The following DOCK10 variants were observed in gnomAD, a reference collection of about 807,000 sequenced individuals.
The protein encoded by DOCK10 is dedicator of cytokinesis protein 10.
In DOCK10, 145 loss-of-function variants were observed where a neutral mutation model predicts 280.1. The ratio of observed to expected loss-of-function variants is 0.52; its 90% CI spans 0.45 to 0.59. The LOEUF is 0.59. Ranked by LOEUF, DOCK10 falls within the 20% of genes least tolerant of loss-of-function variation. DOCK10 has a pLI of 0.00. For missense variants in DOCK10, 2,368 were observed against 2,651.7 expected, an observed-to-expected ratio of 0.89 and a Z score of 2.35; for synonymous variants, 915 against 942.2, an observed-to-expected ratio of 0.97 and a Z score of 0.53.
At chr2:224,934,989 C>T (rs1301498229) in intron 1 of DOCK10, among the ~76,000 whole-genome samples, 1 of 152,148 alleles carries the variant, frequency 6.6e-6, no homozygotes, top group African/African-American at 2.4e-5. Context: ...CCCTATTCTT[C>T]TTACAGAGAA....
rs1389225476 is a variant in DOCK10, at chr2:224,885,748, T to A, written c.670A>T (p.Asn224Tyr). ...GATATTTTCTCATCTTTGTAAAAGT[T>A]CATAATGTAGGAGTTATCTGGTAAC... ...TQLPDNSYIMNFYKDEKISKE... is the reference protein window; with the variant it reads ...TQLPDNSYIMYFYKDEKISKE... Residue 224 changes from asparagine to tyrosine, a missense_variant, in exon 7 of 56, where the codon AAC (asparagine) becomes TAC (tyrosine). Physicochemically the swap from Asn to Tyr is moderately radical, Grantham distance 143. This residue lies in a region of DOCK10 where 1,209 missense variants were observed against 1,250.9 expected (regional missense o/e 0.97). Transcript: ENST00000258390. 6.2e-7 allele frequency: 1 copy of A among 1,613,808 alleles called. No individual in the cohort carries two copies. Among genetic ancestry groups the A allele is most frequent in the South Asian group, 1.1e-5 (1 of 91,062 alleles).
At chr2:224,808,403 ATATGT>A (rs1222457577) in intron 31 of DOCK10, among the ~76,000 whole-genome samples, 2 of 152,136 alleles carry the variant, frequency 1.3e-5, no homozygotes, top group East Asian at 3.9e-4. Context: ...AGGAATCAGG[ATATGT>A]TATAAGTAGG....
At chr2:224,832,077 T>C (rs980188537) in intron 26 of DOCK10, among the ~76,000 whole-genome samples, 20 of 152,192 alleles carry the variant, frequency 1.3e-4, no homozygotes, top group African/African-American at 4.8e-4. Context: ...AGTCATATTG[T>C]ATATGTATAG....
intron 55 of DOCK10, chr2:224,768,998 T>C (rs1371892755): frequency 2.2e-6 from 1 of 449,474 alleles, no homozygotes; most frequent in African/African-American, 2.0e-5. Flanking sequence ...CTAGGTCAGA[T>C]GTGATTTACA....
At chr2:224,845,126 A>G in intron 21 of DOCK10, 77 bp downstream of exon 21, 1 of 1,407,898 alleles carries the variant, frequency 7.1e-7, no homozygotes, top group Non-Finnish European at 9.7e-7. Flanking sequence ...GATCTTAAGT[A>G]GCAGAGAAAG....
rs186676422 is a variant in DOCK10, at chr2:225,038,402, T to A, written c.123+3850A>T. On this transcript the variant is annotated intron_variant, in intron 1 of 55. Transcript: ENST00000258390. ...TGTTTACATATTCATTACTTCTCAA[T>A]CAAAGCTCTTTGGTTGGTCAAAGGT... Among the ~76,000 whole-genome samples the A allele has an allele frequency of 3.6e-3, 553 of 152,266 alleles. 6 individuals are homozygous for A. The highest frequency in any genetic ancestry group is 0.013 in the African/African-American group (523 of 41,548).
chr2:224,818,567 T>G lies in DOCK10; in HGVS notation c.3267+879A>C, dbSNP rs151125356. ...TGCCCGCAACCACGCCCGGCTAATT[T>G]TTTTGTATTTTTAGTAGAGACAGGG... On this transcript the variant is annotated intron_variant, in intron 29 of 55. Coordinates refer to ENST00000258390, the MANE Select transcript of DOCK10 (RefSeq NM_014689.3). 5.3e-5 allele frequency among the ~76,000 whole-genome samples: 8 copies of G among 152,110 alleles called. No individual in the cohort carries two copies. The East Asian group carries it at 1.4e-3, about 26-fold the overall frequency.
rs200331448 is a variant in DOCK10, at chr2:224,881,258, G to GT, written c.747+4412dup. ...TCTTTGCATGTACCATATTTGTTTTGTTTTTTTTTCTGTGCATCCTTCCCA... is the reference window on the plus strand; with the variant it reads ...TCTTTGCATGTACCATATTTGTTTTGTTTTTTTTTTCTGTGCATCCTTCCCA... On this transcript the variant is annotated intron_variant, in intron 7 of 55. Transcript: ENST00000258390. Among the ~76,000 whole-genome samples, 764 of 150,276 alleles carry GT rather than the reference G, an allele frequency of 5.1e-3. 2 individuals are homozygous for GT. The highest frequency in any genetic ancestry group is 9.2e-3 in the Admixed American group (139 of 15,058).
chr2:224,865,295 A>T (rs111972705), intron 11 of DOCK10, among the ~76,000 whole-genome samples: 14 of 151,954 alleles, frequency 9.2e-5, no homozygotes, highest in African/African-American at 3.4e-4. Context: ...CCTGCCAAGA[A>T]CTCTCTTCTT....
At chr2:224,885,954 T>C in intron 6 of DOCK10, 109 bp downstream of exon 6, 1 of 1,505,786 alleles carries the variant, frequency 6.6e-7, no homozygotes, top group East Asian at 2.3e-5. Context: ...AAATAAAATA[T>C]TATATGAAAC....
intron 7 of DOCK10, among the ~76,000 whole-genome samples, chr2:224,878,763 AT>A (rs1294441043): frequency 1.3e-5 from 2 of 152,224 alleles, no homozygotes; most frequent in Admixed American, 1.3e-4. Context: ...ATACTTTTGT[AT>A]TACCATCAAG....
At chr2:224,931,166 G>A (rs1702347529) in intron 2 of DOCK10, among the ~76,000 whole-genome samples, 2 of 152,216 alleles carry the variant, frequency 1.3e-5, no homozygotes. Context: ...TGTGCTAATG[G>A]AGTCCTGTCT....
At chr2:224,800,021 C>T in intron 41 of DOCK10, 130 bp downstream of exon 41, 1 of 533,242 alleles carries the variant, frequency 1.9e-6, no homozygotes, top group South Asian at 2.8e-5. Flanking sequence ...TTTCCACTCA[C>T]ACTTAGGTTG....
chr2:225,021,886 C>T (rs1689792093), intron 1 of DOCK10, among the ~76,000 whole-genome samples: 1 of 152,172 alleles, frequency 6.6e-6, no homozygotes, highest in Non-Finnish European at 1.5e-5. Context: ...GTTTAAATTT[C>T]ACCATATAAC....
At chr2:224,955,421 TG>T (rs1456917106) in intron 1 of DOCK10, among the ~76,000 whole-genome samples, 1 of 152,204 alleles carries the variant, frequency 6.6e-6, no homozygotes, top group Non-Finnish European at 1.5e-5. Context: ...CTAATTGTCA[TG>T]TAAATGCCAA....
chr2:224,945,858 G>T (rs1329747102), intron 1 of DOCK10, among the ~76,000 whole-genome samples: 1 of 152,054 alleles, frequency 6.6e-6, no homozygotes, highest in African/African-American at 2.4e-5. Context: ...ACTGGGGAGG[G>T]ATTGCCACTG....
intron 26 of DOCK10, among the ~76,000 whole-genome samples, chr2:224,831,801 A>G (rs1440389388): frequency 6.6e-6 from 1 of 152,164 alleles, no homozygotes. Flanking sequence ...TCAGGCATCA[A>G]GACCTGTCCT....
chr2:224,877,998 T>C (rs1698746814), intron 7 of DOCK10, among the ~76,000 whole-genome samples: 1 of 152,168 alleles, frequency 6.6e-6, no homozygotes, highest in African/African-American at 2.4e-5. Flanking sequence ...TTAGGACAAC[T>C]CTATTAAGTA....
intron 4 of DOCK10, among the ~76,000 whole-genome samples, chr2:224,892,818 G>A (rs975705292): frequency 6.6e-6 from 1 of 152,186 alleles, no homozygotes; most frequent in Admixed American, 6.5e-5. Context: ...TTCCCAATCC[G>A]GTTTTTAATA....
Sources: allele counts gnomAD v4.1 joint callset (sites outside exome capture counted in the v4.1 genomes callset), GRCh38; gene constraint gnomAD v4.1.1; regional missense constraint gnomAD v4.1.1; transcripts MANE v1.5; gene names NCBI Gene and HGNC (gene_info 2026-07-23, HGNC 2026-07-21).